TTC5: variants seen among roughly 807,000 people sequenced by gnomAD.
TTC5 encodes tetratricopeptide repeat protein 5.
In TTC5, 46 loss-of-function variants were observed where a neutral mutation model predicts 57.4. That is an observed-to-expected ratio of 0.80 (90% CI 0.63 to 1.03). The LOEUF is 1.03. Ranked by LOEUF, TTC5 falls within the 50% of genes least tolerant of loss-of-function variation. TTC5 has a pLI of 0.00. For missense variants in TTC5, 504 were observed against 528.1 expected, an observed-to-expected ratio of 0.95 and a Z score of 0.45; for synonymous variants, 190 against 203.5, an observed-to-expected ratio of 0.93 and a Z score of 0.57.
chr14:20,300,155 A>ATATATATATATATATT (rs1229722471), intron 3 of TTC5, among the ~76,000 whole-genome samples: 1 of 89,352 alleles, frequency 1.1e-5, no homozygotes, highest in African/African-American at 4.5e-5. Context: ...ATATATATAT[A>ATATATATATATATATT]TTTTTTTTTT....
intron 8 of TTC5, chr14:20,292,650 T>C (rs1881982543): frequency 6.6e-6 from 1 of 152,256 alleles, no homozygotes; most frequent in Non-Finnish European, 1.5e-5. Flanking sequence ...GAATGACCTA[T>C]AGTCTAGCAG....
At position 20,300,763 on chromosome 14, in the gene TTC5, C is replaced by A; in HGVS notation, c.240G>T (p.Val80=). Residue 80 remains valine (V), a synonymous_variant, in exon 3 of 10, where the codon GTG becomes GTT. Coordinates refer to ENST00000258821, the MANE Select transcript of TTC5 (RefSeq NM_138376.3). ...CAGCCTTAGGGCTATAGTCAGGAGT[C>A]ACATTTAGTGCTTTCCCAGTTAGCA... ...VLMLTGKALN[V]TPDYSPKAEE... is the part of the protein sequence containing the mutation. The A allele has an allele frequency of 6.2e-7, 1 of 1,614,152 alleles. No homozygotes were observed.
chr14:20,295,810 G>C lies in TTC5; in HGVS notation c.741C>G (p.Phe247Leu), dbSNP rs753745503. 3.7e-6 allele frequency: 6 copies of C among 1,605,608 alleles called. No homozygotes were observed. The African/African-American group carries it at 8.1e-5, about 22-fold the overall frequency. ...CAGGGTCCAGGGCTGCAGCCCGAGA[G>C]AAGCCCTCCAGGGCCTCCCCATAAC... Reference protein sequence around the residue: ...EESYGEALEGFSRAAALDPAW... With the variant: ...EESYGEALEGLSRAAALDPAW... Residue 247 changes from phenylalanine (F) to leucine (L), a missense_variant, in exon 7 of 10, where the codon TTC (phenylalanine) becomes TTG (leucine). Transcript: ENST00000258821.
rs373420035 is a variant in TTC5, at chr14:20,289,724, C to T, written c.1226G>A (p.Arg409Gln). ...CACTAGCAGGAGGGGCGTCTCCACT[C>T]GAACACTGGAAAAGGAATAGTCCTA... ...KGKDYSFSSV[R>Q]VETPLLLVVN... Residue 409 changes from arginine (R) to glutamine (Q), a missense_variant, in exon 10 of 10, where the codon CGA becomes CAA. Arg to Gln is a conservative substitution (Grantham distance 43, BLOSUM62 1). Transcript: ENST00000258821. 5 of 1,613,386 alleles carry T rather than the reference C, an allele frequency of 3.1e-6. 1 individual carries two copies. Among genetic ancestry groups the T allele is most frequent in the Non-Finnish European group, 4.2e-6 (5 of 1,179,716 alleles).
At chr14:20,295,556 T>C (rs754512016) in intron 7 of TTC5, 30 bp from the exon 8 acceptor site, 1 of 1,596,272 alleles carries the variant, frequency 6.3e-7, no homozygotes, top group Non-Finnish European at 8.6e-7. Flanking sequence ...GGTAAGAAGC[T>C]GGAAACTAGT....
intron 2 of TTC5, 108 bp downstream of exon 2, chr14:20,301,725 T>C: frequency 7.1e-7 from 1 of 1,418,332 alleles, no homozygotes; most frequent in South Asian, 1.4e-5. Context: ...TACGTTGTAC[T>C]ACCCTATAGC....
intron 2 of TTC5, 40 bp from the exon 3 acceptor site, chr14:20,300,858 GT>G: frequency 6.6e-7 from 1 of 1,512,580 alleles, no homozygotes; most frequent in Non-Finnish European, 9.0e-7. Flanking sequence ...AAAAAAACAA[GT>G]TAAAGACCAG....
chr14:20,299,273 T>A (rs778623509), intron 4 of TTC5, 25 bp downstream of exon 4: 1 of 1,608,290 alleles, frequency 6.2e-7, no homozygotes, highest in Non-Finnish European at 8.5e-7. Context: ...TAGAAACCTG[T>A]TGGAGATCTT....
chr14:20,303,759 G>A (rs77760264), intron 1 of TTC5, among the ~76,000 whole-genome samples: 1 of 152,272 alleles, frequency 6.6e-6, no homozygotes, highest in African/African-American at 2.4e-5. Context: ...AAGACTGTAT[G>A]AGCTGACCTA....
intron 8 of TTC5, 36 bp from the exon 9 acceptor site, chr14:20,292,163 A>G: frequency 6.9e-7 from 1 of 1,441,668 alleles, no homozygotes; most frequent in Non-Finnish European, 9.2e-7. Context: ...AGAGGAAAAC[A>G]AAAAGGTATG....
At chr14:20,298,909 CA>C in intron 4 of TTC5, 21 bp from the exon 5 acceptor site, 2 of 1,541,576 alleles carry the variant, frequency 1.3e-6, no homozygotes, top group Non-Finnish European at 1.8e-6. Flanking sequence ...AACACAGTGA[CA>C]AATCATCTCA....
At chr14:20,295,287 T>C (rs1953551) in intron 8 of TTC5, 25 bp downstream of exon 8, 1,506,413 of 1,609,672 alleles carry the variant, frequency 0.94, 705,427 homozygotes, top group African/African-American at 0.99. Flanking sequence ...AAGGGTAAAA[T>C]GGGGGAAATC....
rs1429554268 is a variant in TTC5, at chr14:20,295,486, C to T, written c.884G>A (p.Ser295Asn). The T allele has an allele frequency of 4.3e-6, 7 of 1,613,704 alleles. No homozygotes were observed. Among genetic ancestry groups the T allele is most frequent in the Non-Finnish European group, 5.9e-6 (7 of 1,179,794 alleles). ...KTKKLQSMLG[S>N]LRPAHLGPCS... ...AGGGCCTAGATGGGCTGGGCGCAAGCTTCCCAGCATGCTCTGCAGCTTTTT... is the reference window on the plus strand; with the variant it reads ...AGGGCCTAGATGGGCTGGGCGCAAGTTTCCCAGCATGCTCTGCAGCTTTTT... Residue 295 changes from serine to asparagine, a missense_variant, in exon 8 of 10, where the codon AGC (serine) becomes AAC (asparagine). Transcript: ENST00000258821.
At chr14:20,299,949 G>T (rs975649687) in intron 3 of TTC5, among the ~76,000 whole-genome samples, 5 of 151,262 alleles carry the variant, frequency 3.3e-5, no homozygotes, top group African/African-American at 1.2e-4. Context: ...AGTGATTCTT[G>T]TGCCTTGGCC....
Position 20,289,502 on chromosome 14 carries a change from G to T in TTC5, c.*125C>A. Reference sequence around the variant, plus strand: ...GAGATACGAAGTGTAATACAGGCAGGGAAAGAGAAAGTCTTCATTTAAAAC... The same window carrying T: ...GAGATACGAAGTGTAATACAGGCAGTGAAAGAGAAAGTCTTCATTTAAAAC... On this transcript the variant is annotated 3_prime_UTR_variant, in exon 10 of 10. Transcript: ENST00000258821. 1 of 1,220,356 alleles carries T rather than the reference G, an allele frequency of 8.2e-7. No homozygotes were observed. The highest frequency in any genetic ancestry group is 1.1e-6 in the Non-Finnish European group (1 of 893,646). The allele number at this position is 1,220,356 out of a possible 1,614,324, so 75.6% of individuals were successfully genotyped here. A position where few individuals can be genotyped will look rare whatever the true frequency, so the allele number is the denominator to read the frequency against.
chr14:20,295,621 C>T (rs952838695), intron 7 of TTC5, 87 bp downstream of exon 7: 1 of 1,542,362 alleles, frequency 6.5e-7, no homozygotes, highest in South Asian at 1.3e-5. Context: ...AGGGTCTCTA[C>T]CTCGTAAACC....
At chr14:20,301,516 T>C (rs1370019414) in intron 2 of TTC5, among the ~76,000 whole-genome samples, 3 of 151,246 alleles carry the variant, frequency 2.0e-5, no homozygotes, top group African/African-American at 7.3e-5. Context: ...ATGCATGAAG[T>C]AATGATTTAG....
At chr14:20,301,254 C>CAGGTTAGAAAATGATATA (rs1179628800) in intron 2 of TTC5, among the ~76,000 whole-genome samples, 1 of 152,142 alleles carries the variant, frequency 6.6e-6, no homozygotes, top group Non-Finnish European at 1.5e-5. Flanking sequence ...AAAGACCCTC[C>CAGGTTAGAAAATGATATA]AGGTTAGAAA....
chr14:20,295,756 T>A lies in TTC5; in HGVS notation c.795A>T (p.Gln265His). 6.2e-7 allele frequency: 1 copy of A among 1,614,094 alleles called. No homozygotes were observed. The highest frequency in any genetic ancestry group is 1.1e-5 in the South Asian group (1 of 91,074). ...PAWPEPRQRE[Q>H]QLLEFLDRLT... ...ATCTATCCAGGAATTCCAGAAGTTG[T>A]TGCTCTCGTTGCCGGGGCTCTGGCC... Residue 265 changes from glutamine to histidine, a missense_variant, in exon 7 of 10, where the codon CAA becomes CAT. Coordinates refer to ENST00000258821, the MANE Select transcript of TTC5 (RefSeq NM_138376.3).
Sources: allele counts gnomAD v4.1 joint callset (sites outside exome capture counted in the v4.1 genomes callset), GRCh38; gene constraint gnomAD v4.1.1; transcripts MANE v1.5; gene names NCBI Gene and HGNC (gene_info 2026-07-23, HGNC 2026-07-21).